Variants in RBCK1 observed in about 807,000 individuals in gnomAD.
The protein encoded by RBCK1 is RANBP2-type and C3HC4-type zinc finger containing 1, also known as ranBP-type and C3HC4-type zinc finger-containing protein 1.
RBCK1 carries 44 observed loss-of-function variants against 71.1 expected under a neutral mutation model. The observed-to-expected ratio is 0.62, with a 90% CI of 0.49 to 0.80. RBCK1 has a LOEUF of 0.80. RBCK1 is among the 30% of genes least tolerant of loss of function. RBCK1 has a pLI of 0.00. For synonymous variants in RBCK1, 306 were observed against 279.7 expected, an observed-to-expected ratio of 1.09 and a Z score of -0.94; for missense variants, 569 against 685.0, an observed-to-expected ratio of 0.83 and a Z score of 1.89.
At chr20:410,297 CG>C in intron 2 of RBCK1, 1 of 669,976 alleles carries the variant, frequency 1.5e-6, no homozygotes, top group East Asian at 2.7e-5. Context: ...CAGAAGAAAA[CG>C]GAACAGTGAC....
In RBCK1 at chr20:408,651, C is replaced by G; in HGVS notation, c.-107C>G. On this transcript the variant is annotated 5_prime_UTR_variant, in exon 1 of 12. Transcript: ENST00000356286. ...GGCTTGGGCCGCGCCGGAGGCCACA[C>G]GGCCTGGCTGAGTTGCTCCTGGTCT... 1 of 1,471,784 alleles carries G rather than the reference C, an allele frequency of 6.8e-7. No individual in the cohort carries two copies. The highest frequency in any genetic ancestry group is 9.3e-7 in the Non-Finnish European group (1 of 1,074,448). 91.2% of individuals were successfully genotyped at this position (1,471,784 alleles called of 1,614,324 possible).
Position 422,220 on chromosome 20 carries a change from G to A in RBCK1, c.1011G>A (p.Leu337=), listed in dbSNP as rs746915677. The A allele has an allele frequency of 6.2e-7, 1 of 1,613,514 alleles. No homozygotes were observed. Among genetic ancestry groups the A allele is most frequent in the African/African-American group, 1.3e-5 (1 of 75,008 alleles). The change falls in exon 8 of 12, where the codon CTG becomes CTA. Residue 337 remains leucine, a synonymous_variant. Coordinates refer to ENST00000356286, the MANE Select transcript of RBCK1 (RefSeq NM_031229.4). This position sits in a 1 kb window ranked among gnomAD's most constrained non-coding sequence, Gnocchi z 5.0. ...DNTYSCSGKL[L]EREIKALLTP... ...CCTACTCGTGCTCGGGCAAGCTGCT[G>A]GAGAGGGAGATCAAGGCGGTAAGGC... is the stretch of plus-strand genomic sequence containing the variant.
At position 419,775 on chromosome 20, in the gene RBCK1, G is replaced by A. The variant is rs376787224; in HGVS notation, c.756+44G>A. ...GGACAGACACCTGCAGACCGCACGG[G>A]GGAGGTGTAGGCCAGGAAGGGAGAC... is the stretch of plus-strand genomic sequence containing the variant. On this transcript the variant is annotated intron_variant, in intron 6 of 11. Coordinates refer to ENST00000356286, the MANE Select transcript of RBCK1 (RefSeq NM_031229.4). 2.6e-4 allele frequency: 392 copies of A among 1,515,906 alleles called. 2 individuals are homozygous for A. In the African/African-American group the frequency reaches 4.7e-3, roughly 18 times the overall value. 93.9% of individuals were successfully genotyped at this position (1,515,906 alleles called of 1,614,324 possible).
chr20:425,337 C>T (rs918008881), intron 8 of RBCK1, among the ~76,000 whole-genome samples: 2 of 152,150 alleles, frequency 1.3e-5, no homozygotes. Context: ...GTCAACTTTA[C>T]TTAAGTATAC....
chr20:418,624 T>C (rs6139134), intron 4 of RBCK1, among the ~76,000 whole-genome samples: 1 of 152,346 alleles, frequency 6.6e-6, no homozygotes, highest in East Asian at 1.9e-4. Flanking sequence ...CGCCTCGGCC[T>C]CCCAAAGTGC....
intron 6 of RBCK1, chr20:420,313 A>G: frequency 1.0e-6 from 1 of 984,098 alleles, no homozygotes; most frequent in Non-Finnish European, 1.2e-6. Context: ...ACACGCACTA[A>G]TGACACAGAC....
intron 8 of RBCK1, among the ~76,000 whole-genome samples, chr20:425,771 C>T (rs2016681030): frequency 6.6e-6 from 1 of 152,044 alleles, no homozygotes; most frequent in Admixed American, 6.6e-5. Flanking sequence ...GGACTACAGG[C>T]AGATGCCACC....
rs1167240928 is a variant in RBCK1, at chr20:428,321, G to A, written c.1210-170G>A. On this transcript the variant is annotated intron_variant, in intron 9 of 11. Coordinates refer to ENST00000356286, the MANE Select transcript of RBCK1 (RefSeq NM_031229.4). This position sits in a 1 kb window ranked among gnomAD's most constrained non-coding sequence, Gnocchi z 5.7. The stretch of plus-strand genomic sequence containing the variant: ...ATGACCTTGACTTCACCTCCCTGGC[G>A]CCAATATCCTCTTCTGTAAAATGGC... Among the ~76,000 whole-genome samples the A allele has an allele frequency of 6.6e-6, 1 of 152,158 alleles. No individual in the cohort carries two copies. Among genetic ancestry groups the A allele is most frequent in the Admixed American group, 6.5e-5 (1 of 15,282 alleles).
At position 409,878 on chromosome 20, in the gene RBCK1, C is replaced by T; in HGVS notation, c.23-3C>T. 1 of 1,613,366 alleles carries T rather than the reference C, an allele frequency of 6.2e-7. No individual in the cohort carries two copies. Among genetic ancestry groups the T allele is most frequent in the Non-Finnish European group, 8.5e-7 (1 of 1,179,602 alleles). On this transcript the variant is annotated splice_polypyrimidine_tract_variant and splice_region_variant and intron_variant, in intron 1 of 11. Transcript: ENST00000356286. ...AACTGGCTCCTGCTGTACTGGCTTT[C>T]AGCAGAGGAAATGGCCCTGAGCCTC...
chr20:409,532 AG>A (rs2015571628), intron 1 of RBCK1, among the ~76,000 whole-genome samples: 1 of 150,234 alleles, frequency 6.7e-6, no homozygotes, highest in African/African-American at 2.5e-5. Context: ...CCATAAGGAG[AG>A]GGGCCCTGTT....
rs2016034839 is a variant in RBCK1 at position 417,120 on chromosome 20, C to T, written c.168-406C>T. On this transcript the variant is annotated intron_variant, in intron 2 of 11. Coordinates refer to ENST00000356286, the MANE Select transcript of RBCK1 (RefSeq NM_031229.4). The surrounding 1 kb of genome is among the most constrained non-coding windows in gnomAD (Gnocchi z 4.7). ...AAAACAGGGATACAGCAGTACCTGT[C>T]TGATGGGTTGGTTGAGAGGATTAAA... is the stretch of plus-strand genomic sequence containing the variant. 6 of 458,174 alleles carry T rather than the reference C, an allele frequency of 1.3e-5. No individual in the cohort carries two copies. Among genetic ancestry groups the T allele is most frequent in the South Asian group, 4.8e-5 (3 of 62,772 alleles). The allele number at this position is 458,174 out of a possible 1,614,324, so 28.4% of individuals were successfully genotyped here. A position where few individuals can be genotyped will look rare whatever the true frequency, so the allele number is the denominator to read the frequency against.
chr20:411,647 G>A (rs184416997), intron 2 of RBCK1, among the ~76,000 whole-genome samples: 13 of 152,202 alleles, frequency 8.5e-5, no homozygotes, highest in South Asian at 8.3e-4. Flanking sequence ...GACTACAGGC[G>A]TGAGCCACCA....
rs1453189176 is a variant in RBCK1, at chr20:432,035, A to G, written c.*1605A>G. On this transcript the variant is annotated 3_prime_UTR_variant, in exon 12 of 12. Coordinates refer to ENST00000356286, the MANE Select transcript of RBCK1 (RefSeq NM_031229.4). This position sits in a 1 kb window ranked among gnomAD's most constrained non-coding sequence, Gnocchi z 4.3. ...TCTTGTGGTACCACAGGCTGTAACC[A>G]GTCCACCCAGTGTTGTTTTAGAAAT... Among the ~76,000 whole-genome samples the G allele has an allele frequency of 6.6e-6, 1 of 152,214 alleles. No individual in the cohort carries two copies. The highest frequency in any genetic ancestry group is 1.5e-5 in the Non-Finnish European group (1 of 68,038).
At chr20:415,017 G>A (rs1408389634) in intron 2 of RBCK1, among the ~76,000 whole-genome samples, 1 of 152,074 alleles carries the variant, frequency 6.6e-6, no homozygotes, top group African/African-American at 2.4e-5. Context: ...AGCATTTTCT[G>A]GACTGCTTTT....
At chr20:420,135 C>T (rs986740841) in intron 6 of RBCK1, 1 of 984,984 alleles carries the variant, frequency 1.0e-6, no homozygotes, top group African/African-American at 1.8e-5. Flanking sequence ...AAGCCTGCTC[C>T]ACCTCGCCGT....
rs1568569399 is a variant in RBCK1, at chr20:430,416, C to CAG, written c.1521_1522dup (p.Asn508ArgfsTer25). On this transcript the variant is annotated frameshift_variant, in exon 12 of 12. Coordinates refer to ENST00000356286, the MANE Select transcript of RBCK1 (RefSeq NM_031229.4). LOFTEE classifies it high-confidence loss of function. This position sits in a 1 kb window ranked among gnomAD's most constrained non-coding sequence, Gnocchi z 5.6. ...TGGGATTCCTTGCCACCCAAGCTGTCAGAACTGCCACTGAGCTAAAGATGG... is the reference window on the plus strand; with the variant it reads ...TGGGATTCCTTGCCACCCAAGCTGTCAGAGAACTGCCACTGAGCTAAAGATGG... 6.2e-7 allele frequency: 1 copy of CAG among 1,612,310 alleles called. No homozygotes were observed. Among genetic ancestry groups the CAG allele is most frequent in the Admixed American group, 1.7e-5 (1 of 60,028 alleles).
Position 430,398 on chromosome 20 carries a change from C to T in RBCK1, c.1501C>T (p.Pro501Ser). 6.2e-7 allele frequency: 1 copy of T among 1,613,712 alleles called. No individual in the cohort carries two copies. The highest frequency in any genetic ancestry group is 8.5e-7 in the Non-Finnish European group (1 of 1,179,582). The change falls in exon 12 of 12, where the codon CCT (proline) becomes TCT (serine). Residue 501 changes from proline to serine, a missense_variant. Transcript: ENST00000356286. The surrounding 1 kb of genome is among the most constrained non-coding windows in gnomAD (Gnocchi z 5.6). ...GGCRCRVNGI[P>S]CHPSCQNCH ...CTGCCGCTGCAGGGTAAATGGGATT[C>T]CTTGCCACCCAAGCTGTCAGAACTG...
At chr20:413,617 A>G (rs866853052) in intron 2 of RBCK1, among the ~76,000 whole-genome samples, 41 of 152,116 alleles carry the variant, frequency 2.7e-4, no homozygotes, top group African/African-American at 9.9e-4. Flanking sequence ...GTCAGCCACC[A>G]TCTTGCTACT....
rs1428352428 is a variant in RBCK1, at chr20:431,718, ATG to A, written c.*1293_*1294del. ...TCACTGTGCGCAGAGCTGTCTGAGA[ATG>A]TGTGAGTGGACTGGGTCCTTCGGCA... On this transcript the variant is annotated 3_prime_UTR_variant, in exon 12 of 12. Coordinates refer to ENST00000356286, the MANE Select transcript of RBCK1 (RefSeq NM_031229.4). The surrounding 1 kb of genome is among the most constrained non-coding windows in gnomAD (Gnocchi z 4.8). Among the ~76,000 whole-genome samples, 1 of 152,190 alleles carries A rather than the reference ATG, an allele frequency of 6.6e-6. No homozygotes were observed. The highest frequency in any genetic ancestry group is 1.9e-4 in the East Asian group (1 of 5,192).
Sources: gnomAD v4.1 joint callset for allele counts (sites outside exome capture counted in the v4.1 genomes callset) on GRCh38, gnomAD v4.1.1 for gene constraint, Gnocchi (gnomAD v3.1) non-coding constraint, MANE v1.5 for transcripts, NCBI Gene and HGNC (gene_info 2026-07-23, HGNC 2026-07-21) for gene names.